The following NRG1 variants were observed in gnomAD, a reference collection of about 807,000 sequenced individuals.
The protein encoded by NRG1 is pro-neuregulin-1, membrane-bound isoform.
NRG1 carries 18 observed loss-of-function variants against 63.8 expected under a neutral mutation model. The ratio of observed to expected loss-of-function variants is 0.28; its 90% CI spans 0.19 to 0.42. NRG1 has a LOEUF of 0.42. NRG1 is among the 10% of genes least tolerant of loss of function. The probability of loss-of-function intolerance (pLI) is 1.00; values close to 1 mark genes in which losing one functional copy is unlikely to be tolerated. For synonymous variants in NRG1, 302 were observed against 301.3 expected (o/e 1.00, Z -0.02); for missense variants, 762 against 814.7 (o/e 0.94, Z 0.79).
At chr8:31,890,605 A>G (rs1177461089) in intron 1 of NRG1, among the ~76,000 whole-genome samples, 1 of 152,222 alleles carries the variant, frequency 6.6e-6, no homozygotes, top group Non-Finnish European at 1.5e-5. Flanking sequence ...TGAAAGGCCC[A>G]AATAATGTTG....
At chr8:31,962,001 T>G (rs1805540849) in intron 1 of NRG1, among the ~76,000 whole-genome samples, 1 of 148,638 alleles carries the variant, frequency 6.7e-6, no homozygotes, top group South Asian at 2.2e-4. Context: ...GCATTACTCA[T>G]GAACTTTGGC....
At chr8:32,129,403 C>T (rs1307661899) in intron 1 of NRG1, among the ~76,000 whole-genome samples, 1 of 151,908 alleles carries the variant, frequency 6.6e-6, no homozygotes, top group Non-Finnish European at 1.5e-5. Context: ...CATGCTGTGG[C>T]TTGCTGCTAC....
Position 31,756,130 on chromosome 8 carries a change from G to A in NRG1, c.37+116699G>A, listed in dbSNP as rs142644101. 3.9e-3 allele frequency among the ~76,000 whole-genome samples: 587 copies of A among 152,102 alleles called. 2 individuals carry two copies. The highest frequency in any genetic ancestry group is 9.9e-3 in the Admixed American group (151 of 15,270). On this transcript the variant is annotated intron_variant, in intron 1 of 10. Coordinates refer to the NRG1 transcript ENST00000519301. Reference sequence around the variant, plus strand: ...TCTTCATCCTCCCTCCCCTATGTAGGCTTACACAATTGAGAGGAGACAACT... The same window carrying A: ...TCTTCATCCTCCCTCCCCTATGTAGACTTACACAATTGAGAGGAGACAACT...
At chr8:31,783,551 T>C (rs1328341422) in intron 1 of NRG1, among the ~76,000 whole-genome samples, 1 of 148,786 alleles carries the variant, frequency 6.7e-6, no homozygotes, top group African/African-American at 2.5e-5. Flanking sequence ...CCTTCTAAGC[T>C]GAGGCCAAAA....
chr8:32,588,397 A>G (rs1400710047), intron 1 of NRG1, among the ~76,000 whole-genome samples: 1 of 152,164 alleles, frequency 6.6e-6, no homozygotes, highest in Non-Finnish European at 1.5e-5. Context: ...TGTAGCAGTT[A>G]ATTGTGAGAA....
chr8:31,831,546 A>G lies in NRG1; in HGVS notation c.37+192115A>G, dbSNP rs187774575. On this transcript the variant is annotated intron_variant, in intron 1 of 10. Transcript: ENST00000519301. ...TTTTAAGATTTCTGAGAAGTAATTT[A>G]TATATCCTTATAATAGTCATACCAT... Among the ~76,000 whole-genome samples, 28 of 152,338 alleles carry G rather than the reference A, an allele frequency of 1.8e-4. No homozygotes were observed. The East Asian group carries it at 4.6e-3, about 25-fold the overall frequency.
At chr8:32,656,315 A>G (rs1437818211) in intron 5 of NRG1, among the ~76,000 whole-genome samples, 1 of 152,122 alleles carries the variant, frequency 6.6e-6, no homozygotes, top group Non-Finnish European at 1.5e-5. Flanking sequence ...CTGCTAGAGT[A>G]AAAGAGAAAA....
intron 1 of NRG1, among the ~76,000 whole-genome samples, chr8:32,169,029 T>G (rs1839705497): frequency 6.6e-6 from 1 of 152,150 alleles, no homozygotes. Context: ...GCCACATAAT[T>G]TAAGATTCCC....
At chr8:32,330,270 TTCTATTCCTGAA>T (rs1802495431) in intron 1 of NRG1, among the ~76,000 whole-genome samples, 2 of 152,122 alleles carry the variant, frequency 1.3e-5, no homozygotes, top group South Asian at 4.1e-4. Context: ...GGAGTCAAAA[TTCTATTCCTGAA>T]TCTATTACTT....
chr8:32,376,570 T>C (rs184073781), intron 1 of NRG1, among the ~76,000 whole-genome samples: 103 of 152,328 alleles, frequency 6.8e-4, no homozygotes, highest in African/African-American at 2.4e-3. Flanking sequence ...CCACTAAAGA[T>C]GCTAAGCTGG....
chr8:31,819,481 A>G (rs2129603182), intron 1 of NRG1, among the ~76,000 whole-genome samples: 1 of 152,258 alleles, frequency 6.6e-6, no homozygotes, highest in African/African-American at 2.4e-5. Context: ...CTTGCTTTGC[A>G]TTAATTACTG....
chr8:31,663,545 A>C (rs1806218554), intron 1 of NRG1, among the ~76,000 whole-genome samples: 2 of 152,260 alleles, frequency 1.3e-5, no homozygotes, highest in South Asian at 4.1e-4. Context: ...TAGAAGATTG[A>C]AGGTCACACT....
intron 1 of NRG1, among the ~76,000 whole-genome samples, chr8:32,517,838 A>G (rs1829981947): frequency 6.6e-6 from 1 of 152,208 alleles, no homozygotes; most frequent in African/African-American, 2.4e-5. Context: ...ATATGAGTTA[A>G]TACATTATAC....
chr8:32,232,470 A>G (rs949456346), intron 1 of NRG1, among the ~76,000 whole-genome samples: 1 of 152,200 alleles, frequency 6.6e-6, no homozygotes, highest in Non-Finnish European at 1.5e-5. Context: ...TGAAAATTTT[A>G]TGGATAGAGT....
chr8:32,108,988 C>T lies in NRG1; in HGVS notation c.37+469557C>T, dbSNP rs199635848. 1.2e-4 allele frequency among the ~76,000 whole-genome samples: 19 copies of T among 152,246 alleles called. No individual in the cohort carries two copies. The East Asian group carries it at 2.7e-3, about 22-fold the overall frequency. ...AAACCAATGCAGCAAAAGACAATAA[C>T]GTCTGTTTAACCACACAGTCACGGA... On this transcript the variant is annotated intron_variant, in intron 1 of 10. Coordinates refer to the NRG1 transcript ENST00000519301.
intron 1 of NRG1, among the ~76,000 whole-genome samples, chr8:32,014,567 C>A (rs898631267): frequency 6.6e-6 from 1 of 151,848 alleles, no homozygotes; most frequent in Non-Finnish European, 1.5e-5. Flanking sequence ...AATACCCAAG[C>A]TGAATTGAAA....
At chr8:31,849,390 G>A (rs1464482008) in intron 1 of NRG1, among the ~76,000 whole-genome samples, 1 of 152,174 alleles carries the variant, frequency 6.6e-6, no homozygotes, top group Non-Finnish European at 1.5e-5. Flanking sequence ...TCAAGATATC[G>A]TGAGCACTAG....
chr8:31,769,352 A>C (rs1394497081), intron 1 of NRG1, among the ~76,000 whole-genome samples: 8 of 152,172 alleles, frequency 5.3e-5, no homozygotes, highest in African/African-American at 1.9e-4. Context: ...CTATGAGGCC[A>C]CATATTCTGT....
intron 1 of NRG1, among the ~76,000 whole-genome samples, chr8:32,234,372 C>A (rs899923611): frequency 2.0e-5 from 3 of 152,142 alleles, no homozygotes; most frequent in Non-Finnish European, 4.4e-5. Flanking sequence ...GCATGTATAT[C>A]ATCAGATTTA....
Sources: gnomAD v4.1 joint callset for allele counts (sites outside exome capture counted in the v4.1 genomes callset) on GRCh38, gnomAD v4.1.1 for gene constraint, MANE v1.5 for transcripts, NCBI Gene and HGNC (gene_info 2026-07-23, HGNC 2026-07-21) for gene names.